The following VWA8 variants were observed in gnomAD, a reference collection of about 807,000 sequenced individuals.
VWA8 encodes von Willebrand factor A domain-containing protein 8.
In VWA8, 221 loss-of-function variants were observed where a neutral mutation model predicts 241.5. The observed-to-expected ratio is 0.91, with a 90% CI of 0.82 to 1.02. The LOEUF (loss-of-function observed/expected upper bound fraction) is 1.02, where lower values mean the gene tolerates loss of function less well. Ranked by LOEUF, VWA8 falls within the 50% of genes least tolerant of loss-of-function variation. The pLI, the probability that VWA8 is intolerant of heterozygous loss-of-function variation, is 0.00. For synonymous variants in VWA8, 852 were observed against 827.1 expected, an observed-to-expected ratio of 1.03 and a Z score of -0.52; for missense variants, 2,322 against 2,328.7, an observed-to-expected ratio of 1.00 and a Z score of 0.06.
In VWA8 at chr13:41,644,627, G is replaced by A. The variant is rs74831497; in HGVS notation, c.4611+26319C>T. ...TGTGTTAGTGTGCCCCACGAGGCGG[G>A]GGATGGCCTCCTGTGCAAGGTGGGT... On this transcript the variant is annotated intron_variant, in intron 37 of 44. Coordinates refer to ENST00000379310, the MANE Select transcript of VWA8 (RefSeq NM_015058.2). Among the ~76,000 whole-genome samples, 14 of 152,360 alleles carry A rather than the reference G, an allele frequency of 9.2e-5. No individual in the cohort carries two copies. In the East Asian group the frequency reaches 2.7e-3, roughly 29 times the overall value.
At chr13:41,650,333 A>G (rs2044861276) in intron 37 of VWA8, among the ~76,000 whole-genome samples, 1 of 152,226 alleles carries the variant, frequency 6.6e-6, no homozygotes. Flanking sequence ...TGATAGCCTA[A>G]GATCACTGGA....
chr13:41,956,825 ATAAC>A (rs1363836389), intron 1 of VWA8, among the ~76,000 whole-genome samples: 1 of 152,244 alleles, frequency 6.6e-6, no homozygotes, highest in African/African-American at 2.4e-5. Context: ...TATAAACTTA[ATAAC>A]TACTTTAAAC....
At chr13:41,769,504 T>A (rs1214389299) in intron 20 of VWA8, among the ~76,000 whole-genome samples, 1 of 152,208 alleles carries the variant, frequency 6.6e-6, no homozygotes, top group Admixed American at 6.5e-5. Flanking sequence ...ATATAAAAAA[T>A]TTCCCATAAC....
At chr13:41,762,405 T>A (rs1017330398) in intron 20 of VWA8, among the ~76,000 whole-genome samples, 1 of 152,090 alleles carries the variant, frequency 6.6e-6, no homozygotes, top group South Asian at 2.1e-4. Flanking sequence ...ATACAGGTAA[T>A]TCTAGTGAAA....
At chr13:41,701,885 T>C (rs1422278160) in intron 27 of VWA8, among the ~76,000 whole-genome samples, 2 of 152,250 alleles carry the variant, frequency 1.3e-5, no homozygotes, top group African/African-American at 4.8e-5. Flanking sequence ...AGGAGAATAA[T>C]TCGCAAATGA....
chr13:41,916,951 C>T (rs909395213), intron 2 of VWA8, among the ~76,000 whole-genome samples: 2 of 152,168 alleles, frequency 1.3e-5, no homozygotes, highest in African/African-American at 2.4e-5. Context: ...AATAATAAAC[C>T]GATGTCAAAA....
rs559267737 is a variant in VWA8, at chr13:41,687,112, T to A, written c.4132-1870A>T. ...TAGATACCAGTTTTTGTTGGAAATG[T>A]GGTTTGCAAATATTTTTTCCCAGCC... On this transcript the variant is annotated intron_variant, in intron 34 of 44. Coordinates refer to ENST00000379310, the MANE Select transcript of VWA8 (RefSeq NM_015058.2). 7.7e-4 allele frequency among the ~76,000 whole-genome samples: 118 copies of A among 152,258 alleles called. 1 individual carries two copies. The highest frequency in any genetic ancestry group is 1.4e-3 in the Non-Finnish European group (98 of 68,008).
At chr13:41,770,942 T>G (rs1407916349) in intron 20 of VWA8, among the ~76,000 whole-genome samples, 2 of 145,970 alleles carry the variant, frequency 1.4e-5, no homozygotes, top group African/African-American at 2.5e-5. Context: ...CCCTGGGAAG[T>G]GATTTTATTA....
At chr13:41,745,643 CA>C in intron 21 of VWA8, among the ~76,000 whole-genome samples, 1 of 152,240 alleles carries the variant, frequency 6.6e-6, no homozygotes, top group Admixed American at 6.5e-5. Context: ...AAATGCAAAG[CA>C]AAACCACAAT....
chr13:41,588,391 G>C (rs1457759430), intron 41 of VWA8, among the ~76,000 whole-genome samples: 4 of 152,162 alleles, frequency 2.6e-5, no homozygotes, highest in African/African-American at 9.7e-5. Context: ...CCAATTTGCA[G>C]ATTTTAAGAA....
chr13:41,800,045 G>A (rs780981024), intron 17 of VWA8, among the ~76,000 whole-genome samples: 1 of 152,122 alleles, frequency 6.6e-6, no homozygotes, highest in Non-Finnish European at 1.5e-5. Flanking sequence ...ACAATATGTG[G>A]TCCTATGTAT....
At chr13:41,708,124 G>C (rs1362994831) in intron 26 of VWA8, among the ~76,000 whole-genome samples, 2 of 152,028 alleles carry the variant, frequency 1.3e-5, no homozygotes, top group African/African-American at 4.8e-5. Flanking sequence ...TTGGGAGGCC[G>C]AGGCGGGCGG....
chr13:41,596,041 C>G (rs2044485863), intron 40 of VWA8, among the ~76,000 whole-genome samples: 1 of 152,014 alleles, frequency 6.6e-6, no homozygotes, highest in Non-Finnish European at 1.5e-5. Flanking sequence ...ACAGTATACT[C>G]CTTCATTTTT....
At chr13:41,794,398 T>C (rs1869594192) in intron 17 of VWA8, among the ~76,000 whole-genome samples, 1 of 152,180 alleles carries the variant, frequency 6.6e-6, no homozygotes, top group Non-Finnish European at 1.5e-5. Flanking sequence ...TTGCAGCAAT[T>C]GTGAATGGGA....
At chr13:41,846,829 G>A (rs1375317015) in intron 12 of VWA8, among the ~76,000 whole-genome samples, 1 of 152,136 alleles carries the variant, frequency 6.6e-6, no homozygotes, top group Non-Finnish European at 1.5e-5. Flanking sequence ...CTGAGGCCAG[G>A]AGTTCAAGAC....
At chr13:41,839,342 T>A (rs1422676224) in intron 12 of VWA8, among the ~76,000 whole-genome samples, 1 of 151,964 alleles carries the variant, frequency 6.6e-6, no homozygotes, top group African/African-American at 2.4e-5. Context: ...TTTGATGGGG[T>A]TTTTTCTTGT....
chr13:41,628,128 ATGCTGT>A (rs1326321715), intron 37 of VWA8, among the ~76,000 whole-genome samples: 82 of 152,300 alleles, frequency 5.4e-4, no homozygotes, highest in African/African-American at 1.8e-3. Context: ...GCTCAGGCCC[ATGCTGT>A]GGAGTGTCCT....
chr13:41,569,286 G>C (rs899621251), intron 44 of VWA8, among the ~76,000 whole-genome samples: 1 of 152,214 alleles, frequency 6.6e-6, no homozygotes, highest in Admixed American at 6.5e-5. Flanking sequence ...AGACAAAATA[G>C]CCATTTCATC....
intron 9 of VWA8, among the ~76,000 whole-genome samples, chr13:41,879,382 TACACAC>T (rs3073827): frequency 0.04 from 5,632 of 140,816 alleles, 135 homozygotes; most frequent in East Asian, 0.11. Context: ...CATACACACA[TACACAC>T]ACACACACAC....
Sources: allele counts gnomAD v4.1 joint callset (sites outside exome capture counted in the v4.1 genomes callset), GRCh38; gene constraint gnomAD v4.1.1; transcripts MANE v1.5; gene names NCBI Gene and HGNC (gene_info 2026-07-23, HGNC 2026-07-21).